NIBAN2: variants seen among roughly 807,000 people sequenced by gnomAD.
NIBAN2 encodes niban apoptosis regulator 2.
In NIBAN2, 36 loss-of-function variants were observed where a neutral mutation model predicts 81.8. The observed-to-expected ratio is 0.44, with a 90% CI of 0.34 to 0.58. NIBAN2 has a LOEUF of 0.58. Among genes scored for constraint, NIBAN2 ranks in the 20% least tolerant of loss-of-function variants. The probability of loss-of-function intolerance (pLI) is 0.02; values close to 1 mark genes in which losing one functional copy is unlikely to be tolerated. For missense variants in NIBAN2, 897 were observed against 1,014.1 expected (o/e 0.88, Z 1.57); for synonymous variants, 445 against 441.6 (o/e 1.01, Z -0.10).
At chr9:127,574,604 G>C (rs1258772163) in intron 1 of NIBAN2, among the ~76,000 whole-genome samples, 1 of 152,058 alleles carries the variant, frequency 6.6e-6, no homozygotes, top group East Asian at 1.9e-4. Flanking sequence ...CTCCCTCCCA[G>C]TTGGCACGGA....
In NIBAN2 at chr9:127,510,021, C is replaced by A. The variant is rs983856069; in HGVS notation, c.1161+125G>T. On this transcript the variant is annotated intron_variant, in intron 9 of 13. Transcript: ENST00000373312. The stretch of plus-strand genomic sequence containing the variant: ...GCCTCTGCCCCTAGTCCCCAGCAGC[C>A]CCTCCCCGTCTACAGGGACGGCCTT... 8.0e-6 allele frequency: 7 copies of A among 870,118 alleles called. No individual in the cohort carries two copies. The African/African-American group carries it at 1.2e-4, about 15-fold the overall frequency. 53.9% of individuals were successfully genotyped at this position (870,118 alleles called of 1,614,324 possible).
intron 1 of NIBAN2, among the ~76,000 whole-genome samples, chr9:127,578,046 C>T (rs1170160142): frequency 6.6e-6 from 1 of 151,746 alleles, no homozygotes; most frequent in Non-Finnish European, 1.5e-5. Context: ...AAAAAATTAG[C>T]TGGGTGTGGT....
Position 127,509,055 on chromosome 9 carries a change from C to A in NIBAN2, c.1238G>T (p.Arg413Leu). ...AAATCGCTGCTGCAGCCCGTCCAGTCGCAGCGACTCCATCTTCTCATAGCA... is the reference window on the plus strand; with the variant it reads ...AAATCGCTGCTGCAGCCCGTCCAGTAGCAGCGACTCCATCTTCTCATAGCA... ...QSCYEKMESL[R>L]LDGLQQRFDV... The change falls in exon 10 of 14, where the codon CGA becomes CTA. Residue 413 changes from arginine to leucine, a missense_variant. Around this residue, in one of 3 missense-constraint regions of NIBAN2, gnomAD observed 619 missense variants for 691.0 expected, o/e 0.90. Transcript: ENST00000373312. 1 of 1,613,728 alleles carries A rather than the reference C, an allele frequency of 6.2e-7. No homozygotes were observed. The highest frequency in any genetic ancestry group is 8.5e-7 in the Non-Finnish European group (1 of 1,179,926).
intron 1 of NIBAN2, among the ~76,000 whole-genome samples, chr9:127,543,268 G>A (rs943670527): frequency 5.9e-5 from 9 of 152,174 alleles, no homozygotes; most frequent in African/African-American, 1.9e-4. Flanking sequence ...TGGGTGTCAC[G>A]CTGGCTGGGG....
At chr9:127,547,411 G>C (rs1365826496) in intron 1 of NIBAN2, among the ~76,000 whole-genome samples, 1 of 152,308 alleles carries the variant, frequency 6.6e-6, no homozygotes, top group East Asian at 1.9e-4. Context: ...CAACTGCTCG[G>C]AAGGTTGAGG....
rs954429436 is a variant in NIBAN2 at position 127,516,941 on chromosome 9, C to A, written c.889G>T (p.Val297Leu). 6.2e-7 allele frequency: 1 copy of A among 1,614,072 alleles called. No individual in the cohort carries two copies. Among genetic ancestry groups the A allele is most frequent in the Non-Finnish European group, 8.5e-7 (1 of 1,180,030 alleles). Residue 297 changes from valine to leucine, a missense_variant, in exon 8 of 14, where the codon GTG becomes TTG. Around this residue, in one of 3 missense-constraint regions of NIBAN2, gnomAD observed 619 missense variants for 691.0 expected, o/e 0.90. Transcript: ENST00000373312. Reference protein sequence around the residue: ...FEEVLSKVQQVQPAMQAVIRT... With the variant: ...FEEVLSKVQQLQPAMQAVIRT... ...ATGACGGCCTGCATGGCCGGCTGCA[C>A]CTGCTGCACCTTGGACAGCACCTCC... is the stretch of plus-strand genomic sequence containing the variant.
intron 1 of NIBAN2, chr9:127,561,253 G>T: frequency 1.0e-6 from 1 of 985,484 alleles, no homozygotes; most frequent in Non-Finnish European, 1.2e-6. Context: ...AAGGGAAGAA[G>T]ATTCTCATAT....
At chr9:127,547,828 A>G (rs2132216745) in intron 1 of NIBAN2, among the ~76,000 whole-genome samples, 1 of 152,194 alleles carries the variant, frequency 6.6e-6, no homozygotes, top group South Asian at 2.1e-4. Flanking sequence ...CAAGAGCGAA[A>G]CTCCACCTCA....
At chr9:127,566,213 G>C (rs1234515017) in intron 1 of NIBAN2, among the ~76,000 whole-genome samples, 6 of 152,122 alleles carry the variant, frequency 3.9e-5, no homozygotes. Context: ...AGATTTGTGG[G>C]GAAAATTTGG....
chr9:127,531,470 C>A, intron 2 of NIBAN2, among the ~76,000 whole-genome samples, 178 bp downstream of exon 2: 1 of 149,734 alleles, frequency 6.7e-6, no homozygotes, highest in East Asian at 1.9e-4. Flanking sequence ...AGTGACAGAG[C>A]GAGACTCTGT....
At chr9:127,558,676 C>G (rs1425617762) in intron 1 of NIBAN2, among the ~76,000 whole-genome samples, 4 of 152,136 alleles carry the variant, frequency 2.6e-5, no homozygotes, top group Non-Finnish European at 5.9e-5. Flanking sequence ...AAACTCAGCT[C>G]TCTTTTCTAC....
At chr9:127,574,028 T>C (rs962132871), upstream of NIBAN2, among the ~76,000 whole-genome samples, 3 of 152,214 alleles carry the variant, frequency 2.0e-5, no homozygotes, top group Non-Finnish European at 2.9e-5. Flanking sequence ...CTTTTTCTTA[T>C]TGATTTGTAA....
At chr9:127,548,350 C>T (rs956523696) in intron 1 of NIBAN2, among the ~76,000 whole-genome samples, 5 of 152,190 alleles carry the variant, frequency 3.3e-5, no homozygotes, top group Non-Finnish European at 2.9e-5. Context: ...GCATGGAGAA[C>T]ACTCTGGCCT....
Position 127,568,962 on chromosome 9 carries a change from G to T in NIBAN2, c.-88C>A. On this transcript the variant is annotated 5_prime_UTR_variant, in exon 1 of 14. Transcript: ENST00000373312. ...GGACGCCGCTGGCGCCATGGAGCCC[G>T]GCCCGCCCTGCTTCCCCCGCTCCCG... is the stretch of plus-strand genomic sequence containing the variant. 8.7e-7 allele frequency: 1 copy of T among 1,155,198 alleles called. No individual in the cohort carries two copies. Among genetic ancestry groups the T allele is most frequent in the Non-Finnish European group, 1.1e-6 (1 of 944,462 alleles). The allele number at this position is 1,155,198 out of a possible 1,614,324, so 71.6% of individuals were successfully genotyped here.
intron 2 of NIBAN2, 69 bp from the exon 3 acceptor site, chr9:127,527,391 GC>G: frequency 2.0e-6 from 3 of 1,470,436 alleles, no homozygotes; most frequent in Non-Finnish European, 9.4e-7. Context: ...GAAGCTGATG[GC>G]CCAGCCAGCA....
rs775455466 is a variant in NIBAN2 at position 127,507,889 on chromosome 9, G to A, written c.1632C>T (p.Thr544=). 3 of 1,614,094 alleles carry A rather than the reference G, an allele frequency of 1.9e-6. No homozygotes were observed. Among genetic ancestry groups the A allele is most frequent in the Non-Finnish European group, 2.5e-6 (3 of 1,179,982 alleles). The change falls in exon 13 of 14, where the codon ACC becomes ACT. Residue 544 remains threonine (T), a synonymous_variant. Transcript: ENST00000373312. The surrounding 1 kb of genome is among the most constrained non-coding windows in gnomAD (Gnocchi z 6.8). ...ENTYEEVVLQ[T]VMKDILQAVK... Reference sequence around the variant, plus strand: ...CACCCTGCAGGATGTCCTTCATGACGGTCTGCAGCACCACCTCCTCGTACG... The same window carrying A: ...CACCCTGCAGGATGTCCTTCATGACAGTCTGCAGCACCACCTCCTCGTACG...
chr9:127,578,900 G>A, intron 1 of NIBAN2: 1 of 1,607,452 alleles, frequency 6.2e-7, no homozygotes, highest in East Asian at 2.3e-5. Context: ...TTGTGTCCTG[G>A]GGACTTGTGC....
chr9:127,521,528 G>A (rs376720179), intron 5 of NIBAN2, among the ~76,000 whole-genome samples: 36 of 152,228 alleles, frequency 2.4e-4, no homozygotes, highest in Admixed American at 2.6e-4. Flanking sequence ...GCTGGTGTCC[G>A]CCCAGTTGGC....
intron 1 of NIBAN2, among the ~76,000 whole-genome samples, chr9:127,565,946 T>TCTCACACACACACACACACACA (rs751937125): frequency 4.6e-5 from 6 of 130,558 alleles, no homozygotes; most frequent in African/African-American, 1.9e-4. Flanking sequence ...TCTCTCTCTC[T>TCTCACACACACACACACACACA]CACACACACA....
Sources: gnomAD v4.1 joint callset for allele counts (sites outside exome capture counted in the v4.1 genomes callset) on GRCh38, gnomAD v4.1.1 for gene constraint, gnomAD v4.1.1 regional missense constraint, Gnocchi (gnomAD v3.1) non-coding constraint, MANE v1.5 for transcripts, NCBI Gene and HGNC (gene_info 2026-07-23, HGNC 2026-07-21) for gene names.